The following RNGTT variants were observed in gnomAD, a reference collection of about 807,000 sequenced individuals.
RNGTT encodes mRNA-capping enzyme.
RNGTT carries 33 observed loss-of-function variants against 79.3 expected under a neutral mutation model. The ratio of observed to expected loss-of-function variants is 0.42; its 90% confidence interval spans 0.32 to 0.56. The LOEUF (loss-of-function observed/expected upper bound fraction) is 0.56. RNGTT is among the 20% of genes least tolerant of loss of function. The pLI, the probability that RNGTT is intolerant of heterozygous loss-of-function variation, is 0.17. For missense variants in RNGTT, 497 were observed against 739.1 expected (o/e 0.67, Z 3.80); for synonymous variants, 222 against 235.9 (o/e 0.94, Z 0.54).
chr6:88,732,818 T>C (rs1777160135), intron 13 of RNGTT, among the ~76,000 whole-genome samples: 1 of 152,158 alleles, frequency 6.6e-6, no homozygotes, highest in South Asian at 2.1e-4. Context: ...CAATGTTTAA[T>C]GGGTTACAGA....
intron 2 of RNGTT, among the ~76,000 whole-genome samples, chr6:88,929,963 T>C (rs546105610): frequency 3.7e-4 from 53 of 143,352 alleles, no homozygotes; most frequent in African/African-American, 1.2e-3. Context: ...CGTATATACA[T>C]ATGTATACAT....
intron 8 of RNGTT, among the ~76,000 whole-genome samples, chr6:88,856,459 T>C (rs985736165): frequency 6.6e-6 from 1 of 152,130 alleles, no homozygotes; most frequent in Non-Finnish European, 1.5e-5. Context: ...AGACCTTTTC[T>C]TTTAAATCAA....
chr6:88,712,009 A>G (rs531324592), intron 13 of RNGTT, among the ~76,000 whole-genome samples: 105 of 152,356 alleles, frequency 6.9e-4, no homozygotes, highest in African/African-American at 2.5e-3. Flanking sequence ...AAATGAATCT[A>G]TAATTTGATA....
chr6:88,659,912 G>C (rs373094645), intron 14 of RNGTT, among the ~76,000 whole-genome samples: 29 of 152,176 alleles, frequency 1.9e-4, no homozygotes, highest in African/African-American at 6.7e-4. Context: ...AAAAGCATCA[G>C]GTAACCTATA....
At chr6:88,906,509 C>A in intron 4 of RNGTT, 69 bp from the exon 5 acceptor site, 1 of 840,076 alleles carries the variant, frequency 1.2e-6, no homozygotes, top group Non-Finnish European at 1.8e-6. Flanking sequence ...TTTAAAATTC[C>A]AACCTGCAAT....
At chr6:88,952,734 C>T (rs983460280) in intron 1 of RNGTT, among the ~76,000 whole-genome samples, 1 of 152,192 alleles carries the variant, frequency 6.6e-6, no homozygotes, top group East Asian at 1.9e-4. Flanking sequence ...CCACCCCTAC[C>T]AGAGCAGGTG....
intron 11 of RNGTT, among the ~76,000 whole-genome samples, chr6:88,843,548 C>CTTCTTTTTTTTT (rs1437292319): frequency 1.4e-4 from 9 of 66,634 alleles, no homozygotes; most frequent in African/African-American, 6.1e-4. Flanking sequence ...TAGTATGATT[C>CTTCTTTTTTTTT]TTTTTTTTTT....
At chr6:88,708,767 A>AT (rs1465421572) in intron 13 of RNGTT, among the ~76,000 whole-genome samples, 1 of 151,354 alleles carries the variant, frequency 6.6e-6, no homozygotes, top group African/African-American at 2.4e-5. Flanking sequence ...TAATTTTTTA[A>AT]TTTTCCCTGT....
intron 6 of RNGTT, among the ~76,000 whole-genome samples, chr6:88,896,455 G>A (rs1487783371): frequency 2.6e-5 from 4 of 152,158 alleles, no homozygotes; most frequent in African/African-American, 7.2e-5. Context: ...TAGAAGCTTC[G>A]AGACAGTTAA....
intron 6 of RNGTT, among the ~76,000 whole-genome samples, chr6:88,902,931 C>G (rs778277870): frequency 6.6e-6 from 1 of 151,884 alleles, no homozygotes; most frequent in Non-Finnish European, 1.5e-5. Context: ...CCTGACCTCA[C>G]GATCCACCCA....
Position 88,614,290 on chromosome 6 carries a change from C to A in RNGTT, c.1612G>T (p.Ala538Ser). The change falls in exon 15 of 16, where the codon GCC becomes TCC. Residue 538 changes from alanine to serine, a missense_variant. Ala to Ser is a moderately conservative substitution (Grantham distance 99). This residue lies in a region of RNGTT where 440 missense variants were observed against 671.5 expected (regional missense o/e 0.66). Transcript: ENST00000369485. ...RQRTDKSFPN[A>S]YNTAMAVCNS... ...TACTCACCCATGGCAGTGTTGTAGGCATTAGGAAAACTTTTGTCTGTTCTC... is the reference window on the plus strand; with the variant it reads ...TACTCACCCATGGCAGTGTTGTAGGAATTAGGAAAACTTTTGTCTGTTCTC... 6.2e-7 allele frequency: 1 copy of A among 1,613,898 alleles called. No individual in the cohort carries two copies. The highest frequency in any genetic ancestry group is 8.5e-7 in the Non-Finnish European group (1 of 1,179,798).
At chr6:88,880,190 G>C (rs1239450292) in intron 8 of RNGTT, among the ~76,000 whole-genome samples, 1 of 133,216 alleles carries the variant, frequency 7.5e-6, no homozygotes, top group Non-Finnish European at 1.8e-5. Flanking sequence ...ATGAATGAAT[G>C]AATGAATGAA....
At chr6:88,884,107 T>C (rs567083313) in intron 8 of RNGTT, among the ~76,000 whole-genome samples, 4 of 152,186 alleles carry the variant, frequency 2.6e-5, no homozygotes, top group Non-Finnish European at 5.9e-5. Flanking sequence ...CTAAACTTCA[T>C]ATACACCCAG....
rs552524412 is a variant in RNGTT, at chr6:88,737,453, G to C, written c.1439+32321C>G. On this transcript the variant is annotated intron_variant, in intron 13 of 15. Coordinates refer to ENST00000369485, the MANE Select transcript of RNGTT (RefSeq NM_003800.5). ...TAAAATGAATGTATTTTTCATGTGA[G>C]AACGATATAAATTGGGGGAAGGGAG... 2.0e-5 allele frequency among the ~76,000 whole-genome samples: 3 copies of C among 152,294 alleles called. No individual in the cohort carries two copies. In the South Asian group the frequency reaches 6.2e-4, roughly 32 times the overall value.
At chr6:88,776,991 C>A (rs1778910785) in intron 12 of RNGTT, among the ~76,000 whole-genome samples, 3 of 152,280 alleles carry the variant, frequency 2.0e-5, no homozygotes, top group Admixed American at 2.0e-4. Context: ...TCAAGTGTTA[C>A]AGTTAGGCAT....
intron 2 of RNGTT, among the ~76,000 whole-genome samples, chr6:88,935,099 A>G (rs557762795): frequency 6.6e-6 from 1 of 152,132 alleles, no homozygotes; most frequent in East Asian, 1.9e-4. Context: ...TCTTGATTTG[A>G]TTTTGTATAT....
intron 11 of RNGTT, among the ~76,000 whole-genome samples, chr6:88,831,970 C>A (rs572518549): frequency 6.6e-6 from 1 of 152,310 alleles, no homozygotes; most frequent in South Asian, 2.1e-4. Context: ...ATATTCCATG[C>A]TCACAGATAG....
intron 14 of RNGTT, among the ~76,000 whole-genome samples, chr6:88,616,751 G>T (rs1321572416): frequency 6.6e-6 from 1 of 152,092 alleles, no homozygotes; most frequent in Non-Finnish European, 1.5e-5. Context: ...GTTTATTGTT[G>T]TTGAGATGTA....
At chr6:88,677,531 A>C (rs921972604) in intron 14 of RNGTT, among the ~76,000 whole-genome samples, 9 of 152,250 alleles carry the variant, frequency 5.9e-5, no homozygotes, top group African/African-American at 1.7e-4. Context: ...CAGTGGTGTG[A>C]TCATGGCTCA....
Sources: gnomAD v4.1 joint callset for allele counts (sites outside exome capture counted in the v4.1 genomes callset) on GRCh38, gnomAD v4.1.1 for gene constraint, gnomAD v4.1.1 regional missense constraint, MANE v1.5 for transcripts, NCBI Gene and HGNC (gene_info 2026-07-23, HGNC 2026-07-21) for gene names.